Variants in TGFB2 observed in about 807,000 individuals in gnomAD.
TGFB2 encodes the protein transforming growth factor beta 2.
Under a neutral mutation model 42.7 loss-of-function variants are expected in TGFB2, and 13 were observed. The observed-to-expected ratio is 0.30, with a 90% confidence interval of 0.20 to 0.48. The LOEUF (loss-of-function observed/expected upper bound fraction) is 0.48, where lower values mean the gene tolerates loss of function less well. TGFB2 is among the 20% of genes least tolerant of loss of function. The pLI, the probability that TGFB2 is intolerant of heterozygous loss-of-function variation, is 0.99. For missense variants in TGFB2, 390 were observed against 517.5 expected (o/e 0.75, Z 2.39); for synonymous variants, 193 against 193.6 (o/e 1.00, Z 0.03).
At chr1:218,413,986 TG>T (rs1434750362) in intron 2 of TGFB2, among the ~76,000 whole-genome samples, 1 of 152,088 alleles carries the variant, frequency 6.6e-6, no homozygotes, top group African/African-American at 2.4e-5. Context: ...AAGATGGTAG[TG>T]GGGGGAGTGA....
At chr1:218,387,004 G>A (rs1658159458) in intron 1 of TGFB2, among the ~76,000 whole-genome samples, 1 of 152,196 alleles carries the variant, frequency 6.6e-6, no homozygotes, top group African/African-American at 2.4e-5. Context: ...TACACAGTAT[G>A]ATAAGTGCCA....
intron 1 of TGFB2, among the ~76,000 whole-genome samples, chr1:218,397,588 G>C (rs1349349507): frequency 2.7e-5 from 4 of 148,522 alleles, no homozygotes; most frequent in African/African-American, 1.0e-4. Flanking sequence ...AAAAAGTTTA[G>C]GTGCTCCTTT....
rs1213567539 is a variant in TGFB2, at chr1:218,442,907, A to AT, written c.*1550dup. On this transcript the variant is annotated 3_prime_UTR_variant, in exon 7 of 7. Coordinates refer to ENST00000366930, the MANE Select transcript of TGFB2 (RefSeq NM_003238.6). ...GTTTCTCTACCTTGGTTTAATCAAT[A>AT]TTTTTGTAAAATCCTATTGTTATTA... 6.6e-6 allele frequency: 1 copy of AT among 152,194 alleles called. No individual in the cohort carries two copies. Among genetic ancestry groups the AT allele is most frequent in the Non-Finnish European group, 1.5e-5 (1 of 68,014 alleles). The allele number at this position is 152,194 out of a possible 1,614,324, so 9.4% of individuals were successfully genotyped here. A position where few individuals can be genotyped will look rare whatever the true frequency, so the allele number is the denominator to read the frequency against.
rs1179754101 is a variant in TGFB2, at chr1:218,417,970, G to A, written c.510+12638G>A. 1.3e-5 allele frequency among the ~76,000 whole-genome samples: 2 copies of A among 152,252 alleles called. 1 individual carries two copies. Among genetic ancestry groups the A allele is most frequent in the Non-Finnish European group, 2.9e-5 (2 of 68,044 alleles). ...GATGCCCAGGCAGAAGTTTGCTGTAGGGGCAGGGTCCTCATGGAGAACCTC... is the reference window on the plus strand; with the variant it reads ...GATGCCCAGGCAGAAGTTTGCTGTAAGGGCAGGGTCCTCATGGAGAACCTC... On this transcript the variant is annotated intron_variant, in intron 2 of 6. Transcript: ENST00000366930.
intron 2 of TGFB2, among the ~76,000 whole-genome samples, chr1:218,425,414 A>G (rs1659590849): frequency 6.6e-6 from 1 of 151,910 alleles, no homozygotes; most frequent in Admixed American, 6.6e-5. Flanking sequence ...TCACCGTGTT[A>G]GCCAGGATGG....
intron 1 of TGFB2, among the ~76,000 whole-genome samples, chr1:218,355,105 G>A (rs1264266422): frequency 6.6e-6 from 1 of 152,190 alleles, no homozygotes; most frequent in Non-Finnish European, 1.5e-5. Context: ...GTTTCACCAT[G>A]TTGGTCAGGC....
At chr1:218,348,316 A>G (rs992153319) in intron 1 of TGFB2, among the ~76,000 whole-genome samples, 8 of 152,252 alleles carry the variant, frequency 5.3e-5, no homozygotes, top group African/African-American at 1.9e-4. Context: ...GCCTAAATAG[A>G]TAATATAGCC....
intron 5 of TGFB2, 61 bp from the exon 6 acceptor site, chr1:218,437,282 A>G (rs183786239): frequency 1.5e-4 from 219 of 1,474,384 alleles, no homozygotes; most frequent in Non-Finnish European, 1.9e-4. Flanking sequence ...AGGTGGTGGT[A>G]GAGTGAGGGT....
At chr1:218,405,405 C>T in intron 2 of TGFB2, 73 bp downstream of exon 2, 1 of 1,599,626 alleles carries the variant, frequency 6.3e-7, no homozygotes. Flanking sequence ...CTCTCTCTGT[C>T]ACAGGCTAGA....
intron 1 of TGFB2, among the ~76,000 whole-genome samples, chr1:218,351,281 G>A (rs190915835): frequency 5.3e-5 from 8 of 152,212 alleles, no homozygotes; most frequent in Non-Finnish European, 8.8e-5. Context: ...TTATTTTTTA[G>A]GATTCTCTAT....
chr1:218,378,077 G>A (rs1162471232), intron 1 of TGFB2, among the ~76,000 whole-genome samples: 1 of 152,174 alleles, frequency 6.6e-6, no homozygotes, highest in Non-Finnish European at 1.5e-5. Context: ...CCGGGTTCAA[G>A]CAATTCTCCT....
rs529265174 is a variant in TGFB2, at chr1:218,442,665, G to A, written c.*1303G>A. The A allele has an allele frequency of 6.6e-6, 1 of 150,578 alleles. No homozygotes were observed. The highest frequency in any genetic ancestry group is 1.5e-5 in the Non-Finnish European group (1 of 67,706). The allele number at this position is 150,578 out of a possible 1,614,324, so 9.3% of individuals were successfully genotyped here. A position where few individuals can be genotyped will look rare whatever the true frequency, so the allele number is the denominator to read the frequency against. ...TGACATAAGCTACCTGGGTCCACTT[G>A]TCTTTTCTTTTTTTTGTTTCACAGA... On this transcript the variant is annotated 3_prime_UTR_variant, in exon 7 of 7. Transcript: ENST00000366930.
chr1:218,394,772 A>G (rs1255534672), intron 1 of TGFB2, among the ~76,000 whole-genome samples: 1 of 152,196 alleles, frequency 6.6e-6, no homozygotes, highest in East Asian at 1.9e-4. Context: ...CTGTGACTTG[A>G]ACGTCAGCAG....
At chr1:218,362,087 T>C (rs2102544573) in intron 1 of TGFB2, among the ~76,000 whole-genome samples, 1 of 152,270 alleles carries the variant, frequency 6.6e-6, no homozygotes, top group Non-Finnish European at 1.5e-5. Flanking sequence ...ATATTGGACA[T>C]GGTAAGTTCC....
At chr1:218,435,654 A>G (rs961170501) in intron 4 of TGFB2, among the ~76,000 whole-genome samples, 1 of 152,216 alleles carries the variant, frequency 6.6e-6, no homozygotes, top group East Asian at 1.9e-4. Flanking sequence ...AGGATTGACT[A>G]AAATAAACTG....
At chr1:218,418,739 G>A (rs1266834540) in intron 2 of TGFB2, among the ~76,000 whole-genome samples, 4 of 152,058 alleles carry the variant, frequency 2.6e-5, no homozygotes, top group East Asian at 1.9e-4. Flanking sequence ...TGCTGTTCTC[G>A]TAATCGTGAA....
At chr1:218,397,584 T>C (rs969135143) in intron 1 of TGFB2, among the ~76,000 whole-genome samples, 8 of 140,862 alleles carry the variant, frequency 5.7e-5, no homozygotes, top group Admixed American at 2.1e-4. Flanking sequence ...AAAAAAAAAG[T>C]TTAGGTGCTC....
At chr1:218,426,147 A>G (rs1464070782) in intron 2 of TGFB2, among the ~76,000 whole-genome samples, 1 of 152,212 alleles carries the variant, frequency 6.6e-6, no homozygotes, top group Non-Finnish European at 1.5e-5. Context: ...CCTTTGCATT[A>G]GAAGTCTGAT....
At chr1:218,384,011 C>G (rs1658049970) in intron 1 of TGFB2, among the ~76,000 whole-genome samples, 2 of 152,016 alleles carry the variant, frequency 1.3e-5, no homozygotes, top group Non-Finnish European at 2.9e-5. Context: ...GTTGTTTTAA[C>G]AGTTCTGTGA....
Sources: allele counts gnomAD v4.1 joint callset (sites outside exome capture counted in the v4.1 genomes callset), GRCh38; gene constraint gnomAD v4.1.1; transcripts MANE v1.5; gene names NCBI Gene and HGNC (gene_info 2026-07-23, HGNC 2026-07-21).